TSC22D1: variants seen among roughly 807,000 people sequenced by gnomAD.
TSC22D1 encodes the protein TSC22 domain family protein 1.
A neutral mutation model predicts 74.2 loss-of-function variants in TSC22D1; 9 were observed. The observed-to-expected ratio is 0.12, with a 90% confidence interval of 0.07 to 0.21. The LOEUF (loss-of-function observed/expected upper bound fraction) is 0.21. Among genes scored for constraint, TSC22D1 ranks in the 10% least tolerant of loss-of-function variants. TSC22D1 has a pLI of 1.00. For missense variants in TSC22D1, 1,427 were observed against 1,304.7 expected (o/e 1.09, Z -1.44); for synonymous variants, 586 against 492.5 (o/e 1.19, Z -2.51).
intron 1 of TSC22D1, among the ~76,000 whole-genome samples, chr13:44,443,792 G>C (rs1276843593): frequency 1.3e-5 from 2 of 152,198 alleles, no homozygotes; most frequent in African/African-American, 4.8e-5. Flanking sequence ...TAAGAAGGGA[G>C]AAGGGAAATA....
intron 1 of TSC22D1, among the ~76,000 whole-genome samples, chr13:44,452,305 C>A (rs1876208369): frequency 6.6e-6 from 1 of 152,174 alleles, no homozygotes; most frequent in Non-Finnish European, 1.5e-5. Context: ...CACACTCATA[C>A]CCCAGTTAAT....
chr13:44,574,861 G>C lies in TSC22D1; in HGVS notation c.1214C>G (p.Ser405Trp). 1 of 1,614,018 alleles carries C rather than the reference G, an allele frequency of 6.2e-7. No homozygotes were observed. Among genetic ancestry groups the C allele is most frequent in the Non-Finnish European group, 8.5e-7 (1 of 1,180,006 alleles). The change falls in exon 1 of 3, where the codon TCG (serine) becomes TGG (tryptophan). Residue 405 changes from serine to tryptophan, a missense_variant. Ser to Trp is a radical substitution (Grantham distance 177). Around this residue, in one of 3 missense-constraint regions of TSC22D1, gnomAD observed 1,343 missense variants for 1,191.5 expected, o/e 1.13. Coordinates refer to ENST00000458659, the MANE Select transcript of TSC22D1 (RefSeq NM_183422.4). ...ATCTAACTTCACAACTCTGAACCTC[G>C]AAGTGTTAACTGTTGGTTGTTGCTG... ...SQQQQPTVNT[S>W]RFRVVKLDSS...
At position 44,573,924 on chromosome 13, in the gene TSC22D1, C is replaced by T. The variant is rs767096575; in HGVS notation, c.2151G>A (p.Pro717=). 2.3e-5 allele frequency: 37 copies of T among 1,614,008 alleles called. No homozygotes were observed. Among genetic ancestry groups the T allele is most frequent in the African/African-American group, 2.7e-5 (2 of 74,928 alleles). ...GASVQPVGQA[P]AAVSAVPTGS... is the part of the protein sequence containing the mutation. Reference sequence around the variant, plus strand: ...CAGTAGGTACAGCAGACACTGCTGCCGGAGCCTGGCCAACAGGCTGGACAG... The same window carrying T: ...CAGTAGGTACAGCAGACACTGCTGCTGGAGCCTGGCCAACAGGCTGGACAG... The change falls in exon 1 of 3, where the codon CCG becomes CCA. Residue 717 remains proline (P), a synonymous_variant. Coordinates refer to ENST00000458659, the MANE Select transcript of TSC22D1 (RefSeq NM_183422.4).
intron 1 of TSC22D1, among the ~76,000 whole-genome samples, chr13:44,561,054 C>A (rs1472791582): frequency 1.3e-5 from 2 of 152,088 alleles, no homozygotes; most frequent in Admixed American, 1.3e-4. Context: ...AAAAATACCC[C>A]CCGGGGCGTC....
intron 1 of TSC22D1, among the ~76,000 whole-genome samples, chr13:44,496,259 C>G (rs982512871): frequency 1.3e-5 from 2 of 152,170 alleles, no homozygotes; most frequent in African/African-American, 2.4e-5. Flanking sequence ...GAAATCAAAG[C>G]CACAAGAGGC....
intron 1 of TSC22D1, among the ~76,000 whole-genome samples, chr13:44,567,237 A>G (rs1337150459): frequency 6.6e-6 from 1 of 152,216 alleles, no homozygotes; most frequent in Non-Finnish European, 1.5e-5. Flanking sequence ...AAATCAGAAG[A>G]GCCTTCTTAT....
rs1874273368 is a variant in TSC22D1, at chr13:44,433,903, T to G, written c.*723A>C. On this transcript the variant is annotated 3_prime_UTR_variant, in exon 3 of 3. Transcript: ENST00000458659. The stretch of plus-strand genomic sequence containing the variant: ...CTCCTCAGACAGCCAATGAAACAAC[T>G]AAATTTCAATCTGTACAACCTAAAT... The G allele has an allele frequency of 7.3e-7, 1 of 1,372,454 alleles. No homozygotes were observed. Among genetic ancestry groups the G allele is most frequent in the Non-Finnish European group, 9.6e-7 (1 of 1,038,274 alleles). 85.0% of individuals were successfully genotyped at this position (1,372,454 alleles called of 1,614,324 possible).
At chr13:44,464,645 C>G (rs1364477947) in intron 1 of TSC22D1, among the ~76,000 whole-genome samples, 1 of 152,194 alleles carries the variant, frequency 6.6e-6, no homozygotes, top group Non-Finnish European at 1.5e-5. Context: ...CAAGAGCACT[C>G]AGTACAGCTG....
Position 44,575,313 on chromosome 13 carries a change from G to C in TSC22D1, c.762C>G (p.Pro254=), listed in dbSNP as rs763800489. ...VASASITGGP[P]SSPVSRKLST... ...AGAGTTTTCTAGATACTGGGCTTGAGGGTGGCCCACCAGTAATGGATGCAC... is the reference window on the plus strand; with the variant it reads ...AGAGTTTTCTAGATACTGGGCTTGACGGTGGCCCACCAGTAATGGATGCAC... The change falls in exon 1 of 3, where the codon CCC becomes CCG. Residue 254 remains proline (P), a synonymous_variant. Transcript: ENST00000458659. 6.2e-7 allele frequency: 1 copy of C among 1,614,182 alleles called. No homozygotes were observed. Among genetic ancestry groups the C allele is most frequent in the Non-Finnish European group, 8.5e-7 (1 of 1,180,034 alleles).
chr13:44,491,824 T>C (rs1051337719), intron 1 of TSC22D1, among the ~76,000 whole-genome samples: 1 of 152,218 alleles, frequency 6.6e-6, no homozygotes, highest in African/African-American at 2.4e-5. Context: ...GGGTTTTTTA[T>C]GTATTGATGG....
chr13:44,528,286 C>T (rs1437616282), intron 1 of TSC22D1, among the ~76,000 whole-genome samples: 1 of 152,034 alleles, frequency 6.6e-6, no homozygotes, highest in Non-Finnish European at 1.5e-5. Flanking sequence ...AAACAGACCA[C>T]ATTCTGGGCA....
At chr13:44,522,987 T>A in intron 1 of TSC22D1, among the ~76,000 whole-genome samples, 1 of 146,290 alleles carries the variant, frequency 6.8e-6, no homozygotes, top group African/African-American at 2.5e-5. Flanking sequence ...GAAAAAATCT[T>A]AAAAAAGAGC....
chr13:44,559,092 C>T (rs1882869229), intron 1 of TSC22D1, among the ~76,000 whole-genome samples: 1 of 152,104 alleles, frequency 6.6e-6, no homozygotes, highest in Admixed American at 6.5e-5. Context: ...ACTCTTATTC[C>T]AAATTCTACA....
At chr13:44,454,831 A>C (rs1257242675) in intron 1 of TSC22D1, among the ~76,000 whole-genome samples, 1 of 142,142 alleles carries the variant, frequency 7.0e-6, no homozygotes, top group Admixed American at 7.2e-5. Context: ...ATGAAAAGCA[A>C]AAAATACTTC....
At chr13:44,491,553 CAAAA>C (rs1166772028) in intron 1 of TSC22D1, among the ~76,000 whole-genome samples, 3 of 56,070 alleles carry the variant, frequency 5.4e-5, no homozygotes, top group East Asian at 5.8e-4. Flanking sequence ...GACTCCGTCT[CAAAA>C]AAAAAAAAAA....
At chr13:44,514,299 G>A (rs2875551) in intron 1 of TSC22D1, among the ~76,000 whole-genome samples, 54,712 of 151,442 alleles carry the variant, frequency 0.36, 9,945 homozygotes, top group Non-Finnish European at 0.39. Flanking sequence ...TTCCTTTATC[G>A]CCTTGAAGTA....
At chr13:44,562,796 T>C (rs1339186563) in intron 1 of TSC22D1, among the ~76,000 whole-genome samples, 1 of 152,196 alleles carries the variant, frequency 6.6e-6, no homozygotes, top group African/African-American at 2.4e-5. Flanking sequence ...ATTTCAGATA[T>C]GGATAAACTC....
At chr13:44,452,324 C>G (rs925261015) in intron 1 of TSC22D1, among the ~76,000 whole-genome samples, 2 of 152,190 alleles carry the variant, frequency 1.3e-5, no homozygotes. Flanking sequence ...ATCTTTACTA[C>G]TCTGAGGCGG....
chr13:44,436,984 C>A (rs571159253), intron 1 of TSC22D1: 5 of 1,002,664 alleles, frequency 5.0e-6, no homozygotes, highest in Middle Eastern at 4.9e-4. Context: ...CGCCTCCCCC[C>A]ACCCCCACCT....
Sources: gnomAD v4.1 joint callset for allele counts (sites outside exome capture counted in the v4.1 genomes callset) on GRCh38, gnomAD v4.1.1 for gene constraint, gnomAD v4.1.1 regional missense constraint, MANE v1.5 for transcripts, NCBI Gene and HGNC (gene_info 2026-07-23, HGNC 2026-07-21) for gene names.